The following CENPM variants were observed in gnomAD, a reference collection of about 807,000 sequenced individuals.
CENPM encodes centromere protein M.
In CENPM, 14 loss-of-function variants were observed where a neutral mutation model predicts 19.6. That is an observed-to-expected ratio of 0.71 (90% CI 0.47 to 1.11). The LOEUF is 1.11. Ranked by LOEUF, CENPM falls within the 50% of genes most tolerant of loss-of-function variation. CENPM has a pLI of 0.00. For missense variants in CENPM, 239 were observed against 228.4 expected, an observed-to-expected ratio of 1.05 and a Z score of -0.30; for synonymous variants, 114 against 101.5, an observed-to-expected ratio of 1.12 and a Z score of -0.74.
intron 2 of CENPM, 147 bp downstream of exon 2, chr22:41,946,270 C>T (rs2077800365): frequency 4.2e-6 from 3 of 713,290 alleles, no homozygotes; most frequent in East Asian, 2.7e-5. Context: ...GGATATAAGA[C>T]GGCATGGGAC....
the CENPM span, among the ~76,000 whole-genome samples, chr22:41,927,952 A>G: frequency 6.6e-6 from 1 of 152,162 alleles, no homozygotes; most frequent in East Asian, 1.9e-4. Context: ...GGAGAGGGCG[A>G]TGGTGAAGTG....
At chr22:41,937,820 T>G (rs928663136), downstream of CENPM, among the ~76,000 whole-genome samples, 5 of 151,870 alleles carry the variant, frequency 3.3e-5, no homozygotes, top group African/African-American at 1.2e-4. Flanking sequence ...GCATAACGAG[T>G]CCAAGCTCCC....
chr22:41,940,342 C>A lies in CENPM; in HGVS notation c.403-1146G>T. The A allele has an allele frequency of 5.2e-6, 3 of 576,948 alleles. No homozygotes were observed. In the South Asian group the frequency reaches 6.3e-5, roughly 12 times the overall value. 35.7% of individuals were successfully genotyped at this position (576,948 alleles called of 1,614,324 possible). A position where few individuals can be genotyped will look rare whatever the true frequency, so the allele number is the denominator to read the frequency against. ...CACGCCACGCCTCCACTTTCCAGCA[C>A]GTCATTTACCCCATTTGTTTCCTTG... On this transcript the variant is annotated intron_variant, in intron 5 of 5. Transcript: ENST00000215980.
intron 5 of CENPM, 59 bp from the exon 6 acceptor site, chr22:41,939,255 G>A (rs1028577281): frequency 1.6e-5 from 24 of 1,527,354 alleles, no homozygotes; most frequent in Non-Finnish European, 2.0e-5. Flanking sequence ...CCCTTACCCA[G>A]AGCAGCTGCA....
At chr22:41,943,512 A>G (rs3752591) in intron 5 of CENPM, 98 bp downstream of exon 5, 223,862 of 1,028,960 alleles carry the variant, frequency 0.22, 27,154 homozygotes, top group Admixed American at 0.45. Context: ...CTCGGATACT[A>G]AGTCCTTCGA....
downstream of CENPM, among the ~76,000 whole-genome samples, chr22:41,934,318 G>C (rs1339239583): frequency 6.6e-6 from 1 of 152,204 alleles, no homozygotes; most frequent in Non-Finnish European, 1.5e-5. Flanking sequence ...CCCAAGGACT[G>C]CTCACAGCCA....
chr22:41,941,691 G>A (rs768711493), intron 5 of CENPM, among the ~76,000 whole-genome samples: 53 of 152,204 alleles, frequency 3.5e-4, no homozygotes, highest in Non-Finnish European at 5.9e-5. Context: ...TGTTCTCTCT[G>A]GGAGGAAAGC....
the CENPM span, among the ~76,000 whole-genome samples, chr22:41,929,362 T>C: frequency 3.9e-5 from 6 of 152,088 alleles, no homozygotes; most frequent in African/African-American, 1.2e-4. Flanking sequence ...GTGCCAGCCA[T>C]GTGGGCAGAC....
rs769546439 is a variant in CENPM at position 41,947,091 on chromosome 22, C to A, written c.-15G>T. ...AACACCGACATCACAGCCGCAGGAC[C>A]AACCGTTGCTCCTGCGGTGCGCGCC... On this transcript the variant is annotated 5_prime_UTR_variant, in exon 1 of 6. Coordinates refer to ENST00000215980, the MANE Select transcript of CENPM (RefSeq NM_024053.5). The A allele has an allele frequency of 6.8e-6, 11 of 1,612,592 alleles. No individual in the cohort carries two copies. In the Admixed American group the frequency reaches 1.3e-4, roughly 20 times the overall value.
chr22:41,930,918 C>T, the CENPM span, among the ~76,000 whole-genome samples: 2 of 150,740 alleles, frequency 1.3e-5, no homozygotes, highest in African/African-American at 4.9e-5. Context: ...CTCACTGCAA[C>T]CTCCACCTCC....
chr22:41,932,475 T>C, the CENPM span, among the ~76,000 whole-genome samples: 4 of 152,284 alleles, frequency 2.6e-5, no homozygotes, highest in East Asian at 3.9e-4. The surrounding 1 kb of genome is among the most constrained non-coding windows in gnomAD (Gnocchi z 4.3). Flanking sequence ...CGCCCTTCCA[T>C]GAAGCAGTCA....
At chr22:41,929,555 G>C in the CENPM span, among the ~76,000 whole-genome samples, 1 of 152,230 alleles carries the variant, frequency 6.6e-6, no homozygotes, top group South Asian at 2.1e-4. Flanking sequence ...CTGCTCTCAA[G>C]GCCAGAGAGA....
chr22:41,946,717 C>G (rs1229258919), intron 1 of CENPM: 3 of 594,722 alleles, frequency 5.0e-6, no homozygotes, highest in Non-Finnish European at 6.0e-6. Flanking sequence ...ACCCGACCCT[C>G]GCTCCCACCG....
the CENPM span, among the ~76,000 whole-genome samples, chr22:41,930,922 C>T: frequency 9.9e-5 from 15 of 151,200 alleles, no homozygotes; most frequent in Non-Finnish European, 2.2e-4. Flanking sequence ...CTGCAACCTC[C>T]ACCTCCTGGG....
intron 1 of CENPM, 80 bp from the exon 2 acceptor site, chr22:41,946,576 C>CG (rs1193443421): frequency 2.6e-6 from 3 of 1,155,988 alleles, no homozygotes; most frequent in East Asian, 2.5e-5. Flanking sequence ...GACCCACTCC[C>CG]GGGGGGATCG....
At position 41,946,656 on chromosome 22, in the gene CENPM, G is replaced by T. The variant is rs537407662; in HGVS notation, c.58-160C>A. ...GACCCCGCGAAGCGGCACGGGCTGG[G>T]GGCCTGAGGTTTGGACCCGCTGCAG... is the stretch of plus-strand genomic sequence containing the variant. On this transcript the variant is annotated intron_variant, in intron 1 of 5. Transcript: ENST00000215980. 26 of 645,030 alleles carry T rather than the reference G, an allele frequency of 4.0e-5. No individual in the cohort carries two copies. The South Asian group carries it at 5.0e-4, about 12-fold the overall frequency. The allele number at this position is 645,030 out of a possible 1,614,324, so 40.0% of individuals were successfully genotyped here. A position where few individuals can be genotyped will look rare whatever the true frequency, so the allele number is the denominator to read the frequency against.
At chr22:41,942,521 C>T (rs181765709) in intron 5 of CENPM, among the ~76,000 whole-genome samples, 1 of 151,982 alleles carries the variant, frequency 6.6e-6, no homozygotes, top group South Asian at 2.1e-4. Flanking sequence ...GAAGCCGAGG[C>T]GGGCGGATCA....
chr22:41,945,216 C>T lies in CENPM; in HGVS notation c.310+9G>A, dbSNP rs539414842. 3.2e-5 allele frequency: 52 copies of T among 1,613,930 alleles called. No homozygotes were observed. Among genetic ancestry groups the T allele is most frequent in the South Asian group, 2.9e-4 (26 of 91,074 alleles). ...GGGGTGGGCAGTAACAGGCGAGGAA[C>T]GTACTTACCACCTGTGGCGAGGAAA... On this transcript the variant is annotated intron_variant, in intron 4 of 5. Coordinates refer to ENST00000215980, the MANE Select transcript of CENPM (RefSeq NM_024053.5).
intron 3 of CENPM, 39 bp downstream of exon 3, chr22:41,945,874 C>T: frequency 6.6e-7 from 1 of 1,523,398 alleles, no homozygotes; most frequent in Non-Finnish European, 9.1e-7. Context: ...CTGAGCCAGG[C>T]CTGCCTGAGC....
Sources: allele counts gnomAD v4.1 joint callset (sites outside exome capture counted in the v4.1 genomes callset), GRCh38; gene constraint gnomAD v4.1.1; non-coding constraint Gnocchi (gnomAD v3.1); transcripts MANE v1.5; gene names NCBI Gene and HGNC (gene_info 2026-07-23, HGNC 2026-07-21).